Variants in GPC5 observed in about 807,000 individuals in gnomAD.
The protein encoded by GPC5 is glypican-5.
A neutral mutation model predicts 53.9 loss-of-function variants in GPC5; 47 were observed. The observed-to-expected ratio is 0.87, with a 90% CI of 0.69 to 1.11. The LOEUF is 1.11. Ranked by LOEUF, GPC5 falls within the 50% of genes most tolerant of loss-of-function variation. The pLI is 0.00. For synonymous variants in GPC5, 286 were observed against 263.3 expected (o/e 1.09, Z -0.84); for missense variants, 748 against 713.1 (o/e 1.05, Z -0.56).
intron 7 of GPC5, among the ~76,000 whole-genome samples, chr13:92,460,732 G>T (rs947541808): frequency 2.0e-5 from 3 of 152,132 alleles, no homozygotes; most frequent in Admixed American, 6.5e-5. Context: ...AGTGTTTAAG[G>T]AAATGGAGAC....
At chr13:92,304,245 C>T (rs188845834) in intron 7 of GPC5, among the ~76,000 whole-genome samples, 5 of 151,742 alleles carry the variant, frequency 3.3e-5, no homozygotes, top group Admixed American at 3.3e-4. Flanking sequence ...CTCTCTGTCC[C>T]CCAGGCTGGA....
intron 3 of GPC5, among the ~76,000 whole-genome samples, chr13:91,715,261 A>G (rs540497244): frequency 2.6e-5 from 4 of 152,332 alleles, no homozygotes; most frequent in African/African-American, 7.2e-5. Context: ...TGGCCTCCAG[A>G]GACAAGTTCT....
chr13:91,432,898 T>C (rs1879607027), intron 1 of GPC5, among the ~76,000 whole-genome samples: 1 of 152,192 alleles, frequency 6.6e-6, no homozygotes, highest in Admixed American at 6.5e-5. Context: ...ATCTCATTCA[T>C]TTTGAGCTAA....
At chr13:91,574,417 G>A (rs2032057144) in intron 2 of GPC5, among the ~76,000 whole-genome samples, 2 of 152,254 alleles carry the variant, frequency 1.3e-5, no homozygotes, top group African/African-American at 4.8e-5. Context: ...ATCAGAATCA[G>A]ATGAGACAGT....
At chr13:91,769,614 G>C (rs189630592) in intron 5 of GPC5, among the ~76,000 whole-genome samples, 2 of 152,310 alleles carry the variant, frequency 1.3e-5, no homozygotes, top group Non-Finnish European at 2.9e-5. Context: ...GGAAATCAGC[G>C]TGTGTGGCTC....
intron 7 of GPC5, among the ~76,000 whole-genome samples, chr13:92,518,484 A>C (rs1880884592): frequency 1.3e-5 from 2 of 152,192 alleles, no homozygotes; most frequent in African/African-American, 4.8e-5. Flanking sequence ...AACATTCTTA[A>C]AGAAAAGAAT....
intron 7 of GPC5, among the ~76,000 whole-genome samples, chr13:92,459,143 G>T (rs1174325880): frequency 2.0e-5 from 3 of 152,040 alleles, no homozygotes; most frequent in Non-Finnish European, 4.4e-5. Flanking sequence ...AAACAGATTT[G>T]ATTTTAGCAT....
At chr13:91,965,359 G>T (rs1042542456) in intron 6 of GPC5, among the ~76,000 whole-genome samples, 2 of 152,118 alleles carry the variant, frequency 1.3e-5, no homozygotes, top group Non-Finnish European at 2.9e-5. Context: ...ATAAAGGAGT[G>T]CTCATTTGGA....
intron 3 of GPC5, among the ~76,000 whole-genome samples, chr13:91,718,824 A>G (rs533828040): frequency 2.6e-5 from 4 of 152,188 alleles, no homozygotes; most frequent in Admixed American, 2.6e-4. Flanking sequence ...TATACCACTC[A>G]TGGCTTATAG....
intron 6 of GPC5, among the ~76,000 whole-genome samples, chr13:92,003,331 A>C (rs2040573989): frequency 1.3e-5 from 2 of 151,348 alleles, no homozygotes; most frequent in South Asian, 2.1e-4. Flanking sequence ...AACACAAAAA[A>C]AAAAAAAAAA....
At chr13:91,986,565 G>A (rs566010761) in intron 6 of GPC5, among the ~76,000 whole-genome samples, 1 of 152,274 alleles carries the variant, frequency 6.6e-6, no homozygotes, top group Non-Finnish European at 1.5e-5. Flanking sequence ...ACTCTCTGCA[G>A]CAAGCATGAC....
At chr13:91,399,933 TAC>T (rs1241351334) in intron 1 of GPC5, among the ~76,000 whole-genome samples, 1 of 152,198 alleles carries the variant, frequency 6.6e-6, no homozygotes, top group Non-Finnish European at 1.5e-5. Context: ...AAGGGAAAGA[TAC>T]AGTTTGTGTG....
At chr13:92,053,202 A>G (rs1263734742) in intron 6 of GPC5, among the ~76,000 whole-genome samples, 1 of 152,196 alleles carries the variant, frequency 6.6e-6, no homozygotes, top group Non-Finnish European at 1.5e-5. Context: ...TAAAGTTTCA[A>G]TTCAGGAATG....
chr13:92,627,872 C>T (rs1225103895), intron 7 of GPC5, among the ~76,000 whole-genome samples: 2 of 152,282 alleles, frequency 1.3e-5, no homozygotes, highest in African/African-American at 4.8e-5. Context: ...GTCTAGGTTT[C>T]CTGAAACAGA....
chr13:92,638,067 T>C (rs1367329765), intron 7 of GPC5, among the ~76,000 whole-genome samples: 2 of 151,998 alleles, frequency 1.3e-5, no homozygotes, highest in African/African-American at 2.4e-5. Context: ...AAAATAAATA[T>C]ATGGGAAGAG....
intron 7 of GPC5, among the ~76,000 whole-genome samples, chr13:92,262,372 A>G (rs1362030164): frequency 6.6e-6 from 1 of 152,164 alleles, no homozygotes; most frequent in Non-Finnish European, 1.5e-5. Flanking sequence ...GAATAATGTG[A>G]CATTTAGGGG....
rs78087266 is a variant in GPC5, at chr13:91,425,416, G to T, written c.164-23345G>T. On this transcript the variant is annotated intron_variant, in intron 1 of 7. Transcript: ENST00000377067. ...CTCCAAGTGTTTAGGAAGAGACCTG[G>T]TGGGAAGTGATTGGATCATGGGAGC... is the stretch of plus-strand genomic sequence containing the variant. 3.7e-3 allele frequency among the ~76,000 whole-genome samples: 570 copies of T among 152,260 alleles called. 11 individuals are homozygous for T. The highest frequency in any genetic ancestry group is 0.013 in the African/African-American group (544 of 41,526).
intron 7 of GPC5, among the ~76,000 whole-genome samples, chr13:92,401,678 A>G (rs1250661001): frequency 1.3e-5 from 2 of 152,160 alleles, no homozygotes; most frequent in Non-Finnish European, 2.9e-5. Flanking sequence ...AAGTTATTTC[A>G]TTATGAAATT....
At chr13:91,593,870 T>C (rs1387762764) in intron 2 of GPC5, among the ~76,000 whole-genome samples, 1 of 152,068 alleles carries the variant, frequency 6.6e-6, no homozygotes, top group Non-Finnish European at 1.5e-5. Context: ...AGATTTTCTT[T>C]CTGGCCATGA....
Sources: gnomAD v4.1 joint callset for allele counts (sites outside exome capture counted in the v4.1 genomes callset) on GRCh38, gnomAD v4.1.1 for gene constraint, MANE v1.5 for transcripts, NCBI Gene and HGNC (gene_info 2026-07-23, HGNC 2026-07-21) for gene names.